SHANK2: variants seen among roughly 807,000 people sequenced by gnomAD.
SHANK2 encodes SH3 and multiple ankyrin repeat domains 2.
SHANK2 carries 43 observed loss-of-function variants against 133.7 expected under a neutral mutation model. The ratio of observed to expected loss-of-function variants is 0.32; its 90% CI spans 0.25 to 0.41. SHANK2 has a LOEUF of 0.41. Among genes scored for constraint, SHANK2 ranks in the 10% least tolerant of loss-of-function variants. The probability of loss-of-function intolerance (pLI) is 1.00; values close to 1 mark genes in which losing one functional copy is unlikely to be tolerated. For missense variants in SHANK2, 1,994 were observed against 2,235.8 expected, an observed-to-expected ratio of 0.89 and a Z score of 2.18; for synonymous variants, 1,017 against 952.8, an observed-to-expected ratio of 1.07 and a Z score of -1.24.
At chr11:71,077,783 A>G (rs1951240973) in intron 8 of SHANK2, among the ~76,000 whole-genome samples, 1 of 152,144 alleles carries the variant, frequency 6.6e-6, no homozygotes, top group African/African-American at 2.4e-5. Flanking sequence ...CTCTGCACAC[A>G]CAAGGACACT....
chr11:70,584,001 C>T (rs782443775), intron 17 of SHANK2, among the ~76,000 whole-genome samples: 17 of 152,156 alleles, frequency 1.1e-4, no homozygotes, highest in African/African-American at 3.1e-4. Flanking sequence ...GCCTGACCAC[C>T]GTGCATGACT....
intron 3 of SHANK2, among the ~76,000 whole-genome samples, chr11:71,131,362 G>A (rs1404059848): frequency 1.3e-5 from 2 of 152,202 alleles, no homozygotes; most frequent in Admixed American, 6.5e-5. Flanking sequence ...TAGTCGGGGG[G>A]TGCTGAGGTC....
chr11:70,488,469 G>T (rs2058842902), intron 24 of SHANK2, among the ~76,000 whole-genome samples: 1 of 152,166 alleles, frequency 6.6e-6, no homozygotes, highest in South Asian at 2.1e-4. Flanking sequence ...GACTTCACTG[G>T]GCCCCACTAA....
intron 22 of SHANK2, among the ~76,000 whole-genome samples, chr11:70,491,001 T>G (rs2058879575): frequency 6.6e-6 from 1 of 152,184 alleles, no homozygotes; most frequent in Non-Finnish European, 1.5e-5. Flanking sequence ...TGTCCCCAGC[T>G]TCCTCCCTCT....
rs868987057 is a variant in SHANK2 at position 70,788,448 on chromosome 11, G to A, written c.1777+9995C>T. On this transcript the variant is annotated intron_variant, in intron 14 of 25. Transcript: ENST00000601538. The stretch of plus-strand genomic sequence containing the variant: ...TCTGAGTAGCGTGATGTCGAGTGCC[G>A]TTCCGCCCGGGGGAAGTGACTCATC... Among the ~76,000 whole-genome samples the A allele has an allele frequency of 7.2e-5, 11 of 152,170 alleles. No homozygotes were observed. The South Asian group carries it at 1.5e-3, about 20-fold the overall frequency.
At chr11:70,617,144 T>A (rs2060756333) in intron 17 of SHANK2, among the ~76,000 whole-genome samples, 2 of 151,778 alleles carry the variant, frequency 1.3e-5, no homozygotes, top group Non-Finnish European at 2.9e-5. Context: ...TGTATGTGTG[T>A]CACTGAAAGG....
chr11:71,149,320 C>T (rs1221638645), intron 2 of SHANK2, among the ~76,000 whole-genome samples: 1 of 152,194 alleles, frequency 6.6e-6, no homozygotes, highest in Non-Finnish European at 1.5e-5. Context: ...TCAGCCCCGC[C>T]CTGGAGGAAC....
intron 2 of SHANK2, among the ~76,000 whole-genome samples, chr11:71,154,165 G>A (rs56144630): frequency 0.2 from 31,151 of 152,108 alleles, 3,402 homozygotes; most frequent in South Asian, 0.28. Context: ...TGTAAAATGT[G>A]CTCGGCCTCA....
chr11:70,803,476 G>A (rs1555051133), intron 13 of SHANK2, among the ~76,000 whole-genome samples: 1 of 100,980 alleles, frequency 9.9e-6, no homozygotes, highest in African/African-American at 3.7e-5. Context: ...ACAAAGTCCT[G>A]CCTGCAGAGG....
intron 17 of SHANK2, among the ~76,000 whole-genome samples, chr11:70,630,464 G>T (rs2060969620): frequency 6.6e-6 from 1 of 152,196 alleles, no homozygotes; most frequent in Non-Finnish European, 1.5e-5. Context: ...AGACGGTAGT[G>T]GTTGAATTTT....
intron 17 of SHANK2, among the ~76,000 whole-genome samples, chr11:70,641,560 A>C (rs1226019790): frequency 3.9e-5 from 6 of 152,132 alleles, no homozygotes; most frequent in African/African-American, 1.4e-4. Context: ...GATTGCAGTC[A>C]ACGGAACAGA....
chr11:70,639,476 A>C (rs1238288574), intron 17 of SHANK2, among the ~76,000 whole-genome samples: 4 of 152,068 alleles, frequency 2.6e-5, no homozygotes, highest in African/African-American at 9.7e-5. Context: ...TGAGGGACCC[A>C]CCTTCATGAC....
chr11:70,701,697 C>T (rs902349755), intron 14 of SHANK2, among the ~76,000 whole-genome samples: 4 of 152,176 alleles, frequency 2.6e-5, no homozygotes, highest in Admixed American at 6.5e-5. Flanking sequence ...AGCCACTGCA[C>T]CCGGCCAGAA....
chr11:71,204,269 G>C lies in SHANK2; in HGVS notation c.-13+20428C>G, dbSNP rs148843976. ...CCATAAACTCCATGGAAATGATCTGGAAGGGGCGTGCTCACATGGTAACTG... is the reference window on the plus strand; with the variant it reads ...CCATAAACTCCATGGAAATGATCTGCAAGGGGCGTGCTCACATGGTAACTG... On this transcript the variant is annotated intron_variant, in intron 2 of 25. Coordinates refer to ENST00000601538, the MANE Select transcript of SHANK2 (RefSeq NM_012309.5). Among the ~76,000 whole-genome samples, 532 of 152,348 alleles carry C rather than the reference G, an allele frequency of 3.5e-3. 3 individuals are homozygous for C. The highest frequency in any genetic ancestry group is 0.012 in the African/African-American group (494 of 41,572).
At chr11:71,076,284 G>C (rs1951218200) in intron 8 of SHANK2, among the ~76,000 whole-genome samples, 1 of 151,848 alleles carries the variant, frequency 6.6e-6, no homozygotes, top group South Asian at 2.1e-4. Flanking sequence ...ACCAAGGGCA[G>C]GCAGCCTAGG....
chr11:70,618,998 C>T (rs1043328740), intron 17 of SHANK2, among the ~76,000 whole-genome samples: 2 of 152,172 alleles, frequency 1.3e-5, no homozygotes, highest in South Asian at 2.1e-4. Context: ...CGTGCACAGC[C>T]GCCCCAGTCC....
Position 70,469,689 on chromosome 11 carries a change from A to G in SHANK2, c.*3180T>C, listed in dbSNP as rs1565513524. ...AAATCAATATTGTGGCCCACACACA[A>G]AAAGTCATTGCCAGATCAACTGGAT... On this transcript the variant is annotated 3_prime_UTR_variant, in exon 26 of 26. Coordinates refer to ENST00000601538, the MANE Select transcript of SHANK2 (RefSeq NM_012309.5). 1 of 152,680 alleles carries G rather than the reference A, an allele frequency of 6.5e-6. No individual in the cohort carries two copies. The highest frequency in any genetic ancestry group is 1.5e-5 in the Non-Finnish European group (1 of 68,048). 9.5% of individuals were successfully genotyped at this position (152,680 alleles called of 1,614,324 possible).
intron 15 of SHANK2, among the ~76,000 whole-genome samples, chr11:70,684,134 G>A (rs1288496376): frequency 6.6e-6 from 1 of 152,082 alleles, no homozygotes; most frequent in African/African-American, 2.4e-5. Flanking sequence ...AGAGAGACCT[G>A]GGTCCCTGTC....
chr11:71,130,654 C>T (rs764395559), intron 3 of SHANK2, among the ~76,000 whole-genome samples: 6 of 152,186 alleles, frequency 3.9e-5, no homozygotes, highest in Admixed American at 2.6e-4. Context: ...GGGACCTCCA[C>T]CTCTACGGCA....
Sources: gnomAD v4.1 joint callset for allele counts (sites outside exome capture counted in the v4.1 genomes callset) on GRCh38, gnomAD v4.1.1 for gene constraint, MANE v1.5 for transcripts, NCBI Gene and HGNC (gene_info 2026-07-23, HGNC 2026-07-21) for gene names.